The following POTEG variants were observed in gnomAD, a reference collection of about 807,000 sequenced individuals.
POTEG encodes ANKRD26-like family C member 2.
A neutral mutation model predicts 49.6 loss-of-function variants in POTEG; 2 were observed. The observed-to-expected ratio is 0.04, with a 90% CI of 0.02 to 0.13. The LOEUF (loss-of-function observed/expected upper bound fraction) is 0.13, where lower values mean the gene tolerates loss of function less well. Among genes scored for constraint, POTEG ranks in the 10% least tolerant of loss-of-function variants. The pLI is 1.00. For missense variants in POTEG, 26 were observed against 545.2 expected (o/e 0.05, Z 9.48); for synonymous variants, 7 against 186.6 (o/e 0.04, Z 7.84).
intron 7 of POTEG, among the ~76,000 whole-genome samples, chr14:19,416,042 C>T (rs1365405313): frequency 6.8e-6 from 1 of 147,086 alleles, no homozygotes; most frequent in East Asian, 2.0e-4. Flanking sequence ...GACGGGGTTT[C>T]ATCATCTTAG....
chr14:19,433,175 C>G (rs1467105899), intron 1 of POTEG, among the ~76,000 whole-genome samples: 1 of 147,954 alleles, frequency 6.8e-6, no homozygotes, highest in Non-Finnish European at 1.5e-5. Flanking sequence ...GATCTGCCCT[C>G]CTCAGCCTCC....
chr14:19,415,098 G>T (rs1164448210), intron 7 of POTEG, among the ~76,000 whole-genome samples: 2 of 144,992 alleles, frequency 1.4e-5, no homozygotes, highest in Non-Finnish European at 3.1e-5. Context: ...AAATTATTAG[G>T]AGCCGAAATC....
intron 3 of POTEG, among the ~76,000 whole-genome samples, chr14:19,426,009 A>G (rs1471195216): frequency 8.4e-6 from 1 of 118,404 alleles, no homozygotes; most frequent in African/African-American, 3.3e-5. Flanking sequence ...TTGGATGGTA[A>G]TATTTTTCCC....
At position 19,416,058 on chromosome 14, in the gene POTEG, ATG is replaced by A. The variant is rs1445901486; in HGVS notation, c.1197+228_1197+229del. On this transcript the variant is annotated intron_variant, in intron 7 of 10. Coordinates refer to ENST00000547848, the MANE Select transcript of POTEG (RefSeq NM_001005356.3). ...ACGGGGTTTCATCATCTTAGCCAGG[ATG>A]GTCTCGATCTCCTGACCTCATGATC... 2.9e-4 allele frequency among the ~76,000 whole-genome samples: 42 copies of A among 147,068 alleles called. No individual in the cohort carries two copies. In the Middle Eastern group the frequency reaches 0.014, roughly 49 times the overall value.
intron 7 of POTEG, 52 bp downstream of exon 7, chr14:19,416,236 A>T (rs572284145): frequency 6.3e-7 from 1 of 1,583,852 alleles, no homozygotes; most frequent in Admixed American, 1.9e-5. Context: ...AGCAAAAAAA[A>T]AAAAACAAAA....
At chr14:19,431,271 C>T (rs1164043215) in intron 1 of POTEG, among the ~76,000 whole-genome samples, 6 of 151,978 alleles carry the variant, frequency 3.9e-5, no homozygotes, top group Non-Finnish European at 8.9e-5. Flanking sequence ...CTTTGCATGT[C>T]GACATATCTC....
intron 1 of POTEG, among the ~76,000 whole-genome samples, chr14:19,430,415 ACTAAAACAGTC>A (rs1884088701): frequency 2.6e-5 from 2 of 75,616 alleles, no homozygotes; most frequent in South Asian, 8.5e-4. Flanking sequence ...TCTTAAAACA[ACTAAAACAGTC>A]TTTATCCAAG....
At chr14:19,421,397 A>AGC in intron 6 of POTEG, 2 of 623,402 alleles carry the variant, frequency 3.2e-6, no homozygotes, top group Non-Finnish European at 5.1e-6. Context: ...ATAAGCTCAG[A>AGC]GCTTCCACTG....
intron 6 of POTEG, among the ~76,000 whole-genome samples, chr14:19,420,699 C>G (rs1195183688): frequency 6.7e-6 from 1 of 149,736 alleles, no homozygotes; most frequent in African/African-American, 2.5e-5. Flanking sequence ...TATTAGGTGT[C>G]TACAATCAGG....
intron 7 of POTEG, among the ~76,000 whole-genome samples, chr14:19,415,002 A>C (rs567241410): frequency 6.9e-6 from 1 of 143,938 alleles, no homozygotes; most frequent in South Asian, 2.3e-4. Flanking sequence ...AAAAGAGTTT[A>C]CCTCATGAAA....
intron 7 of POTEG, among the ~76,000 whole-genome samples, 190 bp downstream of exon 7, chr14:19,416,098 C>A (rs1246922736): frequency 3.0e-4 from 44 of 147,308 alleles, no homozygotes; most frequent in African/African-American, 1.0e-3. Flanking sequence ...CCCACCTCAG[C>A]CTCTCAAAGT....
chr14:19,432,393 T>G (rs1594283793), intron 1 of POTEG, among the ~76,000 whole-genome samples: 1 of 93,562 alleles, frequency 1.1e-5, no homozygotes, highest in African/African-American at 4.0e-5. Flanking sequence ...TATATATATA[T>G]ATATATATAT....
At chr14:19,418,960 C>A (rs1355266364) in intron 6 of POTEG, among the ~76,000 whole-genome samples, 2 of 89,232 alleles carry the variant, frequency 2.2e-5, no homozygotes, top group Admixed American at 1.3e-4. Context: ...TTATTTCTTA[C>A]GGGAAAAAAA....
intron 6 of POTEG, among the ~76,000 whole-genome samples, chr14:19,419,871 G>C (rs1883683961): frequency 7.3e-6 from 1 of 136,248 alleles, no homozygotes; most frequent in African/African-American, 3.0e-5. Context: ...TCTAGTATTT[G>C]CAGTCCAAAG....
intron 8 of POTEG, among the ~76,000 whole-genome samples, chr14:19,414,330 T>C (rs545197958): frequency 6.9e-6 from 1 of 145,392 alleles, no homozygotes; most frequent in African/African-American, 2.5e-5. Context: ...TGGCATTACT[T>C]AGCATTTTAT....
chr14:19,432,386 A>G (rs1368027990), intron 1 of POTEG, among the ~76,000 whole-genome samples: 6 of 76,728 alleles, frequency 7.8e-5, no homozygotes, highest in Non-Finnish European at 1.1e-4. Context: ...ATATATATAT[A>G]TATATATATA....
chr14:19,432,420 A>G lies in POTEG; in HGVS notation c.521+1349T>C, dbSNP rs1177089693. On this transcript the variant is annotated intron_variant, in intron 1 of 10. Coordinates refer to ENST00000547848, the MANE Select transcript of POTEG (RefSeq NM_001005356.3). ...TATATATATACACACACATGTATAT[A>G]TATGTATATACGTATATATATATAT... Among the ~76,000 whole-genome samples the G allele has an allele frequency of 1.2e-4, 11 of 94,810 alleles. No individual in the cohort carries two copies. The East Asian group carries it at 2.0e-3, about 18-fold the overall frequency. 62.2% of individuals were successfully genotyped at this position (94,810 alleles called of 152,430 possible).
intron 9 of POTEG, among the ~76,000 whole-genome samples, chr14:19,408,942 A>ATATACAAATATAC (rs1883366841): frequency 2.0e-5 from 3 of 150,970 alleles, no homozygotes; most frequent in African/African-American, 4.9e-5. Flanking sequence ...TTACCAGTAA[A>ATATACAAATATAC]AGAATAGTGA....
rs368915000 is a variant in POTEG at position 19,415,204 on chromosome 14, C to G, written c.1198-598G>C. ...ATGTATCTAGATTATCTGCTTAAGTCCAGTTCTAATATATTCTAATATGTA... is the reference window on the plus strand; with the variant it reads ...ATGTATCTAGATTATCTGCTTAAGTGCAGTTCTAATATATTCTAATATGTA... On this transcript the variant is annotated intron_variant, in intron 7 of 10. Transcript: ENST00000547848. Among the ~76,000 whole-genome samples, 32 of 142,996 alleles carry G rather than the reference C, an allele frequency of 2.2e-4. No individual in the cohort carries two copies. The East Asian group carries it at 3.4e-3, about 15-fold the overall frequency. 93.8% of individuals were successfully genotyped at this position (142,996 alleles called of 152,430 possible).
Sources: allele counts gnomAD v4.1 joint callset (sites outside exome capture counted in the v4.1 genomes callset), GRCh38; gene constraint gnomAD v4.1.1; transcripts MANE v1.5; gene names NCBI Gene and HGNC (gene_info 2026-07-23, HGNC 2026-07-21).